Variants in PHACTR1 observed in about 807,000 individuals in gnomAD.
PHACTR1 encodes RPEL repeat containing 1.
PHACTR1 carries 16 observed loss-of-function variants against 69.2 expected under a neutral mutation model. The observed-to-expected ratio is 0.23, with a 90% CI of 0.16 to 0.35. The LOEUF is 0.35. PHACTR1 is among the 10% of genes least tolerant of loss of function. PHACTR1 has a pLI of 1.00. For synonymous variants in PHACTR1, 312 were observed against 284.5 expected (o/e 1.10, Z -0.97); for missense variants, 510 against 734.7 (o/e 0.69, Z 3.54).
At chr6:13,008,110 C>T (rs1799027238) in intron 4 of PHACTR1, among the ~76,000 whole-genome samples, 1 of 152,218 alleles carries the variant, frequency 6.6e-6, no homozygotes, top group Non-Finnish European at 1.5e-5. Flanking sequence ...TGTCCACTAA[C>T]TAAACTTGTC....
chr6:12,983,408 C>T (rs1181095824), intron 4 of PHACTR1, among the ~76,000 whole-genome samples: 1 of 152,008 alleles, frequency 6.6e-6, no homozygotes, highest in Non-Finnish European at 1.5e-5. Context: ...GGGAAGAGCA[C>T]TCCAGACAAA....
chr6:13,274,514 G>C (rs1476878528), intron 11 of PHACTR1: 2 of 152,202 alleles, frequency 1.3e-5, no homozygotes, highest in East Asian at 1.9e-4. Flanking sequence ...CTTACTCACA[G>C]CCCGCTGCTG....
chr6:12,823,109 C>T (rs1009892125), intron 4 of PHACTR1, among the ~76,000 whole-genome samples: 2 of 152,268 alleles, frequency 1.3e-5, no homozygotes, highest in East Asian at 1.9e-4. Flanking sequence ...CTGCAGACAT[C>T]GCCTAATTAT....
intron 7 of PHACTR1, among the ~76,000 whole-genome samples, chr6:13,185,686 C>T (rs1385572454): frequency 6.6e-6 from 1 of 152,182 alleles, no homozygotes; most frequent in African/African-American, 2.4e-5. Context: ...TGATTGAAGG[C>T]TGTGGTATAA....
chr6:13,094,111 G>C (rs1813739716), intron 5 of PHACTR1, among the ~76,000 whole-genome samples: 1 of 151,992 alleles, frequency 6.6e-6, no homozygotes, highest in South Asian at 2.1e-4. Context: ...GGGCTCAAGG[G>C]CTCAAGCAGT....
chr6:12,877,235 G>A (rs925435297), intron 4 of PHACTR1, among the ~76,000 whole-genome samples: 5 of 152,146 alleles, frequency 3.3e-5, no homozygotes, highest in East Asian at 1.9e-4. Flanking sequence ...TGGGGTGACC[G>A]CTGAAAGGGT....
chr6:13,091,781 C>T (rs532089556), intron 5 of PHACTR1, among the ~76,000 whole-genome samples: 5 of 152,154 alleles, frequency 3.3e-5, no homozygotes, highest in African/African-American at 7.2e-5. Context: ...CCCTTGCATG[C>T]GCAGTTCACA....
intron 8 of PHACTR1, among the ~76,000 whole-genome samples, chr6:13,211,839 C>CT (rs1766891359): frequency 1.3e-5 from 2 of 152,198 alleles, no homozygotes; most frequent in African/African-American, 4.8e-5. Flanking sequence ...CCCATCCCCA[C>CT]TACAACAGCA....
At chr6:13,093,691 G>A (rs1474646018) in intron 5 of PHACTR1, among the ~76,000 whole-genome samples, 1 of 152,108 alleles carries the variant, frequency 6.6e-6, no homozygotes, top group Non-Finnish European at 1.5e-5. Context: ...TCTATATTGG[G>A]TTCTAGTCCA....
At chr6:12,917,249 T>G (rs939808771) in intron 4 of PHACTR1, among the ~76,000 whole-genome samples, 1 of 152,202 alleles carries the variant, frequency 6.6e-6, no homozygotes, top group East Asian at 1.9e-4. Flanking sequence ...TGCTAATAAG[T>G]GTTGTTGAGT....
intron 4 of PHACTR1, among the ~76,000 whole-genome samples, chr6:12,882,334 C>A (rs1447285068): frequency 6.6e-6 from 1 of 152,056 alleles, no homozygotes; most frequent in African/African-American, 2.4e-5. Context: ...GAGGACTTTG[C>A]CCCCAAGAAG....
chr6:13,142,933 T>G (rs1314800145), intron 5 of PHACTR1, among the ~76,000 whole-genome samples: 1 of 152,212 alleles, frequency 6.6e-6, no homozygotes, highest in Non-Finnish European at 1.5e-5. Context: ...GCTTCCTTCA[T>G]TAATGAAGTC....
chr6:12,945,340 G>T (rs1790560170), intron 4 of PHACTR1, among the ~76,000 whole-genome samples: 3 of 152,136 alleles, frequency 2.0e-5, no homozygotes, highest in Non-Finnish European at 2.9e-5. Context: ...TGTGGTTATT[G>T]CATGTTTACT....
At chr6:12,741,746 T>C (rs1252138327) in intron 3 of PHACTR1, among the ~76,000 whole-genome samples, 2 of 146,408 alleles carry the variant, frequency 1.4e-5, no homozygotes, top group African/African-American at 5.1e-5. Context: ...CATATACATG[T>C]TAGAATCTGC....
intron 5 of PHACTR1, among the ~76,000 whole-genome samples, chr6:13,114,493 A>G (rs1374709621): frequency 1.3e-5 from 2 of 152,214 alleles, no homozygotes; most frequent in African/African-American, 4.8e-5. Flanking sequence ...TCAACATAGC[A>G]TAAATGTAAA....
intron 10 of PHACTR1, 51 bp from the exon 11 acceptor site, chr6:13,272,809 C>A: frequency 6.2e-7 from 1 of 1,613,982 alleles, no homozygotes; most frequent in Non-Finnish European, 8.5e-7. Flanking sequence ...AATTAATGAC[C>A]CAAGGAGGCT....
chr6:13,187,827 C>A lies in PHACTR1; in HGVS notation c.664+5141C>A, dbSNP rs555865121. Among the ~76,000 whole-genome samples the A allele has an allele frequency of 4.7e-3, 716 of 152,332 alleles. 4 individuals carry two copies. Among genetic ancestry groups the A allele is most frequent in the African/African-American group, 0.017 (688 of 41,570 alleles). ...CATTGAAATATGAGCTAACAAGCAT[C>A]TGACTGATATCAGTGAGAAGAGAGA... On this transcript the variant is annotated intron_variant, in intron 7 of 14. Transcript: ENST00000332995.
intron 8 of PHACTR1, among the ~76,000 whole-genome samples, chr6:13,222,684 T>C (rs1402237578): frequency 3.3e-5 from 5 of 152,212 alleles, no homozygotes. Flanking sequence ...TCTGGGATGA[T>C]TTTTGTCCCC....
chr6:13,110,811 G>C (rs951126844), intron 5 of PHACTR1, among the ~76,000 whole-genome samples: 2 of 152,140 alleles, frequency 1.3e-5, no homozygotes, highest in Non-Finnish European at 2.9e-5. Flanking sequence ...TTTTGTCCAG[G>C]TTCCTACTTT....
Sources: gnomAD v4.1 joint callset for allele counts (sites outside exome capture counted in the v4.1 genomes callset) on GRCh38, gnomAD v4.1.1 for gene constraint, MANE v1.5 for transcripts, NCBI Gene and HGNC (gene_info 2026-07-23, HGNC 2026-07-21) for gene names.